Variants in ZNF519 observed in about 807,000 individuals in gnomAD.
The protein encoded by ZNF519 is zinc finger protein 519.
A neutral mutation model predicts 7.4 loss-of-function variants in ZNF519; 7 were observed. The observed-to-expected ratio is 0.94, with a 90% CI of 0.54 to 1.77. ZNF519 has a LOEUF of 1.77. ZNF519 is among the 40% of genes most tolerant of loss of function. ZNF519 has a pLI of 0.00. For missense variants in ZNF519, 586 were observed against 623.1 expected (o/e 0.94, Z 0.63); for synonymous variants, 179 against 203.3 (o/e 0.88, Z 1.02).
rs116500039 is a variant in ZNF519 at position 14,115,452 on chromosome 18, A to C, written c.130+8898T>G. 3.6e-3 allele frequency among the ~76,000 whole-genome samples: 552 copies of C among 152,364 alleles called. 3 individuals carry two copies. Among genetic ancestry groups the C allele is most frequent in the African/African-American group, 0.013 (521 of 41,578 alleles). On this transcript the variant is annotated intron_variant, in intron 2 of 2. Coordinates refer to ENST00000590202, the MANE Select transcript of ZNF519 (RefSeq NM_145287.4). ...AGACCACAAGTGTTCAACAATTGTC[A>C]AAAAGAGAAATATTGGAGGCATACA...
chr18:14,119,366 A>G (rs193172105), intron 2 of ZNF519, among the ~76,000 whole-genome samples: 116 of 152,326 alleles, frequency 7.6e-4, no homozygotes, highest in Non-Finnish European at 2.4e-4. Flanking sequence ...CACGGTCTGT[A>G]GGTCTGCCTC....
At position 14,105,211 on chromosome 18, in the gene ZNF519, C is replaced by A. The variant is rs564983246; in HGVS notation, c.1329G>T (p.Arg443Ser). 1 of 1,568,048 alleles carries A rather than the reference C, an allele frequency of 6.4e-7. No homozygotes were observed. The highest frequency in any genetic ancestry group is 1.4e-5 in the African/African-American group (1 of 73,444). The change falls in exon 3 of 3, where the codon AGG becomes AGT. Residue 443 changes from arginine to serine, a missense_variant. Transcript: ENST00000590202. ...KCKECGKAFNRGSHLTRHQRI... is the reference protein window; with the variant it reads ...KCKECGKAFNSGSHLTRHQRI... ...TTTGATGTCGAGTAAGGTGTGAGCC[C>A]CTGTTAAAGGCTTTGCCACATTCTT...
At chr18:14,091,901 G>A (rs1310477374) in intron 2 of ZNF519, among the ~76,000 whole-genome samples, 1 of 152,138 alleles carries the variant, frequency 6.6e-6, no homozygotes, top group African/African-American at 2.4e-5. Flanking sequence ...GTGGGTGTGA[G>A]AACCAGCCTG....
intron 3 of ZNF519, among the ~76,000 whole-genome samples, chr18:14,079,748 T>A (rs78759258): frequency 6.6e-6 from 1 of 152,104 alleles, no homozygotes; most frequent in African/African-American, 2.4e-5. Flanking sequence ...TTCACCAAAA[T>A]GAACACAAAA....
chr18:14,088,149 C>T (rs1056115055), intron 2 of ZNF519, among the ~76,000 whole-genome samples: 1 of 152,166 alleles, frequency 6.6e-6, no homozygotes, highest in Admixed American at 6.5e-5. Context: ...ACAATTATCC[C>T]GTTTTAGCAA....
chr18:14,111,104 A>G (rs1055019421), intron 2 of ZNF519, among the ~76,000 whole-genome samples: 9 of 151,682 alleles, frequency 5.9e-5, no homozygotes, highest in African/African-American at 1.9e-4. Context: ...TAAAGATCAA[A>G]GCAGAAATAA....
At chr18:14,098,167 T>TC (rs1332391160), downstream of ZNF519, among the ~76,000 whole-genome samples, 1 of 151,662 alleles carries the variant, frequency 6.6e-6, no homozygotes, top group African/African-American at 2.4e-5. Context: ...CTGTCTTTTT[T>TC]TTTTTTTTTT....
intron 2 of ZNF519, among the ~76,000 whole-genome samples, chr18:14,093,107 G>A (rs1029165569): frequency 2.0e-5 from 3 of 152,146 alleles, no homozygotes; most frequent in Admixed American, 6.5e-5. Context: ...TCAAGAACGT[G>A]ACAGGCATTC....
chr18:14,093,458 T>C (rs2046122227), intron 2 of ZNF519, among the ~76,000 whole-genome samples: 1 of 152,354 alleles, frequency 6.6e-6, no homozygotes, highest in East Asian at 1.9e-4. Flanking sequence ...TACATGTACA[T>C]ATATGTATAC....
At chr18:14,078,541 T>G (rs1360038895) in intron 3 of ZNF519, among the ~76,000 whole-genome samples, 1 of 152,152 alleles carries the variant, frequency 6.6e-6, no homozygotes, top group Non-Finnish European at 1.5e-5. Context: ...ACTAAATTAT[T>G]CAAGAGTTTT....
At position 14,101,367 on chromosome 18, in the gene ZNF519, C is replaced by T. The variant is rs111957038; in HGVS notation, c.*3550G>A. On this transcript the variant is annotated 3_prime_UTR_variant, in exon 3 of 3. Transcript: ENST00000590202. ...AGGGATAAAGGGGGGCCAATTAAAA[C>T]AATGAGCCCTAGCAAATGCAAAAAC... The T allele has an allele frequency of 1.3e-5, 3 of 234,196 alleles. No homozygotes were observed. Among genetic ancestry groups the T allele is most frequent in the Non-Finnish European group, 1.6e-5 (2 of 122,158 alleles). The allele number at this position is 234,196 out of a possible 1,614,324, so 14.5% of individuals were successfully genotyped here.
In ZNF519 at chr18:14,124,459, C is replaced by T. The variant is rs1269428197; in HGVS notation, c.21G>A (p.Arg7=). 6.2e-7 allele frequency: 1 copy of T among 1,610,350 alleles called. No homozygotes were observed. The highest frequency in any genetic ancestry group is 1.3e-5 in the African/African-American group (1 of 74,488). Residue 7 remains arginine, a synonymous_variant, in exon 2 of 3, where the codon AGG becomes AGA. Coordinates refer to ENST00000590202, the MANE Select transcript of ZNF519 (RefSeq NM_145287.4). ...CTGGAGAGAATTCTATGGCCACATC[C>T]CTGAATGTTAAGAGTTCCTGGAAAC... MELLTF[R]DVAIEFSPEE...
intron 2 of ZNF519, among the ~76,000 whole-genome samples, chr18:14,091,364 A>G (rs1389170379): frequency 6.6e-6 from 1 of 152,192 alleles, no homozygotes. Context: ...AAAGCTGAGA[A>G]AAGTTGTAAG....
chr18:14,074,040 G>A (rs1372750574), downstream of ZNF519: 1 of 152,210 alleles, frequency 6.6e-6, no homozygotes, highest in East Asian at 1.9e-4. Context: ...ATCAAACCTA[G>A]AAGATTTAGA....
chr18:14,115,183 C>G (rs1442449724), intron 2 of ZNF519, among the ~76,000 whole-genome samples: 1 of 152,144 alleles, frequency 6.6e-6, no homozygotes, highest in Admixed American at 6.6e-5. Context: ...CCCAGCACAG[C>G]TTTATCTTCT....
intron 3 of ZNF519, chr18:14,080,266 G>T (rs2046065238): frequency 1.3e-5 from 2 of 150,678 alleles, no homozygotes; most frequent in Non-Finnish European, 2.9e-5. Context: ...TCTCATTCAT[G>T]CTGGTGGGAA....
chr18:14,113,767 A>G (rs2046233367), intron 2 of ZNF519, among the ~76,000 whole-genome samples: 1 of 151,174 alleles, frequency 6.6e-6, no homozygotes, highest in South Asian at 2.1e-4. Flanking sequence ...CCAAGAGAGT[A>G]CTAGAGTTCC....
At chr18:14,091,670 G>A (rs1598510369) in intron 2 of ZNF519, among the ~76,000 whole-genome samples, 1 of 152,102 alleles carries the variant, frequency 6.6e-6, no homozygotes, top group Non-Finnish European at 1.5e-5. Context: ...TTAAATAAAG[G>A]CATAAATGGA....
rs573146937 is a variant in ZNF519 at position 14,100,210 on chromosome 18, T to C, written c.*4707A>G. On this transcript the variant is annotated 3_prime_UTR_variant, in exon 3 of 3. Coordinates refer to ENST00000590202, the MANE Select transcript of ZNF519 (RefSeq NM_145287.4). Reference sequence around the variant, plus strand: ...GAGGATTTGAAAAAACAGAAATTCATTGATGATGGGAATGTAAAATGATAG... The same window carrying C: ...GAGGATTTGAAAAAACAGAAATTCACTGATGATGGGAATGTAAAATGATAG... 1.1e-4 allele frequency: 16 copies of C among 152,262 alleles called. No homozygotes were observed. The highest frequency in any genetic ancestry group is 6.2e-4 in the South Asian group (3 of 4,830). The allele number at this position is 152,262 out of a possible 1,614,324, so 9.4% of individuals were successfully genotyped here. A position where few individuals can be genotyped will look rare whatever the true frequency, so the allele number is the denominator to read the frequency against.
Sources: gnomAD v4.1 joint callset for allele counts (sites outside exome capture counted in the v4.1 genomes callset) on GRCh38, gnomAD v4.1.1 for gene constraint, MANE v1.5 for transcripts, NCBI Gene and HGNC (gene_info 2026-07-23, HGNC 2026-07-21) for gene names.